The following PLXNA1 variants were observed in gnomAD, a reference collection of about 807,000 sequenced individuals.
PLXNA1 encodes the protein plexin A1.
Under a neutral mutation model 191.7 loss-of-function variants are expected in PLXNA1, and 77 were observed. The ratio of observed to expected loss-of-function variants is 0.40; its 90% CI spans 0.33 to 0.49. PLXNA1 has a LOEUF of 0.49. Ranked by LOEUF, PLXNA1 falls within the 20% of genes least tolerant of loss-of-function variation. The pLI, the probability that PLXNA1 is intolerant of heterozygous loss-of-function variation, is 0.63. For missense variants in PLXNA1, 2,110 were observed against 2,660.2 expected (o/e 0.79, Z 4.55); for synonymous variants, 1,137 against 1,156.4 (o/e 0.98, Z 0.34).
At chr3:126,987,997 G>T (rs1323133934) in intron 1 of PLXNA1, among the ~76,000 whole-genome samples, 1 of 152,188 alleles carries the variant, frequency 6.6e-6, no homozygotes, top group Non-Finnish European at 1.5e-5. Context: ...GAGAGGCAGG[G>T]CTGTGGAGGT....
At chr3:127,029,649 T>G in intron 27 of PLXNA1, 113 bp downstream of exon 27, 2 of 1,210,852 alleles carry the variant, frequency 1.7e-6, no homozygotes, top group African/African-American at 3.0e-5. Context: ...GGGGCAGGTG[T>G]CAAGCCTGTC....
At position 127,034,184 on chromosome 3, in the gene PLXNA1, TC is replaced by T. The variant is rs1406269035; in HGVS notation, c.*169del. ...CCTCACCCGGTCGGGTCCCGGCTCT[TC>T]CTGTGTGGAGGTGATGGTACCTGCC... is the stretch of plus-strand genomic sequence containing the variant. On this transcript the variant is annotated 3_prime_UTR_variant, in exon 32 of 32. Transcript: ENST00000393409. 1 of 600,682 alleles carries T rather than the reference TC, an allele frequency of 1.7e-6. No homozygotes were observed. The highest frequency in any genetic ancestry group is 2.9e-6 in the Non-Finnish European group (1 of 340,146). 37.2% of individuals were successfully genotyped at this position (600,682 alleles called of 1,614,324 possible).
At chr3:127,029,838 C>T (rs765114411) in intron 27 of PLXNA1, 36 bp from the exon 28 acceptor site, 20 of 1,547,624 alleles carry the variant, frequency 1.3e-5, no homozygotes, top group Non-Finnish European at 1.8e-5. Context: ...GTGCGGGGTG[C>T]CAGCCAACGC....
chr3:127,003,325 C>T lies in PLXNA1; in HGVS notation c.1378-5C>T, dbSNP rs995964213. On this transcript the variant is annotated splice_region_variant and splice_polypyrimidine_tract_variant and intron_variant, in intron 3 of 31. Coordinates refer to ENST00000393409, the MANE Select transcript of PLXNA1 (RefSeq NM_032242.4). ...AGCTCCAGTTAGGGCCCCTTGCTGCCGCAGATCCTGGTGGACCTCTCAAAC... is the reference window on the plus strand; with the variant it reads ...AGCTCCAGTTAGGGCCCCTTGCTGCTGCAGATCCTGGTGGACCTCTCAAAC... 4.4e-6 allele frequency: 7 copies of T among 1,587,736 alleles called. No individual in the cohort carries two copies. In the South Asian group the frequency reaches 4.5e-5, roughly 10 times the overall value.
intron 4 of PLXNA1, 86 bp downstream of exon 4, chr3:127,003,556 C>T: frequency 2.1e-6 from 3 of 1,420,876 alleles, no homozygotes; most frequent in South Asian, 1.5e-5. Flanking sequence ...AGGGGTGGGG[C>T]CACATCACAA....
At chr3:127,018,044 C>T in intron 19 of PLXNA1, 152 bp downstream of exon 19, 1 of 1,151,128 alleles carries the variant, frequency 8.7e-7, no homozygotes, top group Non-Finnish European at 1.2e-6. Context: ...CCGTAGCCTT[C>T]AGCCTGCCAC....
intron 21 of PLXNA1, 87 bp downstream of exon 21, chr3:127,020,431 G>C (rs2079146723): frequency 8.6e-6 from 13 of 1,520,240 alleles, no homozygotes; most frequent in African/African-American, 1.4e-5. Flanking sequence ...CTGATGGATG[G>C]TATGGGGCAG....
At chr3:127,006,847 CCTGTGAGTCCCA>C (rs957345755) in intron 8 of PLXNA1, among the ~76,000 whole-genome samples, 5 of 152,144 alleles carry the variant, frequency 3.3e-5, no homozygotes, top group African/African-American at 7.2e-5. Flanking sequence ...CTGGGGGCCT[CCTGTGAGTCCCA>C]CTGTGAGCCC....
In PLXNA1 at chr3:126,989,628, G is replaced by A. The variant is rs1559953086; in HGVS notation, c.1035G>A (p.Gln345=). The A allele has an allele frequency of 1.2e-6, 2 of 1,613,120 alleles. No homozygotes were observed. Among genetic ancestry groups the A allele is most frequent in the African/African-American group, 1.3e-5 (1 of 75,050 alleles). Residue 345 remains glutamine, a synonymous_variant, in exon 2 of 32, where the codon CAG becomes CAA. Transcript: ENST00000393409. ...TGTTCACTGTGTTCGCCCAGGGCCA[G>A]AAGAACCGCGTGAAGCCACCAAAGG... ...DVLFTVFAQG[Q]KNRVKPPKES...
Position 127,017,542 on chromosome 3 carries a change from A to G in PLXNA1, c.3394A>G (p.Asn1132Asp). 2 of 1,613,716 alleles carry G rather than the reference A, an allele frequency of 1.2e-6. No homozygotes were observed. Among genetic ancestry groups the G allele is most frequent in the Non-Finnish European group, 1.7e-6 (2 of 1,180,018 alleles). Residue 1132 changes from asparagine to aspartate, a missense_variant, in exon 18 of 32, where the codon AAC (asparagine) becomes GAC (aspartate). Asn to Asp is a conservative substitution (Grantham distance 23). Around this residue, in one of 4 missense-constraint regions of PLXNA1, gnomAD observed 644 missense variants for 714.3 expected, o/e 0.90. Coordinates refer to ENST00000393409, the MANE Select transcript of PLXNA1 (RefSeq NM_032242.4). ...GGATGAGCTGGGCTTCGTCATGGACAACGTGCGCTCCCTGCTTGTGCTCAA... is the reference window on the plus strand; with the variant it reads ...GGATGAGCTGGGCTTCGTCATGGACGACGTGCGCTCCCTGCTTGTGCTCAA... ...RPDELGFVMDNVRSLLVLNST... is the reference protein window; with the variant it reads ...RPDELGFVMDDVRSLLVLNST...
intron 23 of PLXNA1, among the ~76,000 whole-genome samples, chr3:127,024,246 C>T (rs1025674925): frequency 4.7e-4 from 72 of 152,146 alleles, no homozygotes; most frequent in Admixed American, 6.5e-4. Flanking sequence ...CTATAAGCAC[C>T]GACGTTGGGT....
rs147104661 is a variant in PLXNA1 at position 126,989,207 on chromosome 3, G to A, written c.614G>A (p.Arg205Gln). The change falls in exon 2 of 32, where the codon CGG becomes CAG. Residue 205 changes from arginine to glutamine, a missense_variant. Around this residue, in one of 4 missense-constraint regions of PLXNA1, gnomAD observed 903 missense variants for 1,015.7 expected, o/e 0.89. Transcript: ENST00000393409. The stretch of plus-strand genomic sequence containing the variant: ...TACTTCCCCACACTGTCCAGCCGTC[G>A]GCTCATGGCCAACGAGGAGGATGCC... The part of the protein sequence containing the change: ...SEYFPTLSSR[R>Q]LMANEEDADM... 133 of 1,613,506 alleles carry A rather than the reference G, an allele frequency of 8.2e-5. No homozygotes were observed. The highest frequency in any genetic ancestry group is 1.8e-4 in the East Asian group (8 of 44,898).
At chr3:126,984,472 C>T (rs147447407) in intron 1 of PLXNA1, among the ~76,000 whole-genome samples, 5 of 152,330 alleles carry the variant, frequency 3.3e-5, no homozygotes, top group African/African-American at 4.8e-5. Context: ...CAGGTCCCCT[C>T]GATTTCCTGC....
chr3:127,033,996 C>T lies in PLXNA1; in HGVS notation c.5670C>T (p.Asp1890=). The change falls in exon 32 of 32, where the codon GAC becomes GAT. Residue 1890 remains aspartate, a synonymous_variant. Transcript: ENST00000393409. ...RLRSKLEQVV[D]TMALSS ...GGAGCAAGCTGGAGCAGGTGGTGGA[C>T]ACGATGGCCCTGAGCAGCTGAGCCC... is the stretch of plus-strand genomic sequence containing the variant. The T allele has an allele frequency of 6.2e-7, 1 of 1,603,212 alleles. No individual in the cohort carries two copies. Among genetic ancestry groups the T allele is most frequent in the Non-Finnish European group, 8.5e-7 (1 of 1,176,430 alleles).
Position 127,036,602 on chromosome 3 carries a change from A to T in PLXNA1, c.*2585A>T, listed in dbSNP as rs1336442076. The T allele has an allele frequency of 2.0e-5, 3 of 152,380 alleles. No homozygotes were observed. Among genetic ancestry groups the T allele is most frequent in the Non-Finnish European group, 4.4e-5 (3 of 68,076 alleles). 9.4% of individuals were successfully genotyped at this position (152,380 alleles called of 1,614,324 possible). A position where few individuals can be genotyped will look rare whatever the true frequency, so the allele number is the denominator to read the frequency against. ...AGTTAGGCCCCAGTCCCTACTTGTC[A>T]CTGGTTCCCACTGTGCTCCTAACTG... On this transcript the variant is annotated 3_prime_UTR_variant, in exon 32 of 32. Coordinates refer to ENST00000393409, the MANE Select transcript of PLXNA1 (RefSeq NM_032242.4).
chr3:127,010,855 C>T (rs2079092208), intron 9 of PLXNA1, among the ~76,000 whole-genome samples: 2 of 152,224 alleles, frequency 1.3e-5, no homozygotes, highest in South Asian at 4.1e-4. Flanking sequence ...GCCTGGGCTC[C>T]TCTGGGCATT....
Position 127,014,381 on chromosome 3 carries a change from GC to G in PLXNA1, c.2604+11del. The G allele has an allele frequency of 1.3e-6, 2 of 1,584,554 alleles. No individual in the cohort carries two copies. The highest frequency in any genetic ancestry group is 8.5e-7 in the Non-Finnish European group (1 of 1,172,202). ...CCGACCCCAAGATCCTCAAGGTAGG[GC>G]CCCCAGCCCTGCCCCCACACCCCAT... On this transcript the variant is annotated splice_region_variant and intron_variant, in intron 12 of 31. Transcript: ENST00000393409.
intron 3 of PLXNA1, among the ~76,000 whole-genome samples, chr3:127,002,599 G>A (rs932975628): frequency 2.0e-5 from 3 of 152,218 alleles, no homozygotes; most frequent in Admixed American, 2.0e-4. Flanking sequence ...GCCACAGCCC[G>A]CAGCCTGAGA....
chr3:126,993,710 C>G (rs921882079), intron 3 of PLXNA1, among the ~76,000 whole-genome samples: 1 of 152,208 alleles, frequency 6.6e-6, no homozygotes, highest in South Asian at 2.1e-4. Flanking sequence ...GGGTTGCTGG[C>G]CTGGCAGAGT....
Sources: allele counts gnomAD v4.1 joint callset (sites outside exome capture counted in the v4.1 genomes callset), GRCh38; gene constraint gnomAD v4.1.1; regional missense constraint gnomAD v4.1.1; transcripts MANE v1.5; gene names NCBI Gene and HGNC (gene_info 2026-07-23, HGNC 2026-07-21).